Variants in LYST observed in about 807,000 individuals in gnomAD.
LYST encodes the protein lysosomal-trafficking regulator.
Under a neutral mutation model 413.6 loss-of-function variants are expected in LYST, and 192 were observed. The observed-to-expected ratio is 0.46, with a 90% confidence interval of 0.41 to 0.52. The LOEUF is 0.52. Ranked by LOEUF, LYST falls within the 20% of genes least tolerant of loss-of-function variation. The pLI is 0.00. For missense variants in LYST, 3,815 were observed against 4,499.9 expected, an observed-to-expected ratio of 0.85 and a Z score of 4.35; for synonymous variants, 1,525 against 1,567.3, an observed-to-expected ratio of 0.97 and a Z score of 0.64.
intron 29 of LYST, among the ~76,000 whole-genome samples, chr1:235,745,628 C>G (rs1049453828): frequency 6.6e-6 from 1 of 152,106 alleles, no homozygotes; most frequent in Non-Finnish European, 1.5e-5. Context: ...TAAATGCTTA[C>G]AGAAGCTTTA....
chr1:235,828,974 G>A (rs1372217153), intron 3 of LYST: 3 of 250,800 alleles, frequency 1.2e-5, no homozygotes, highest in African/African-American at 2.3e-5. Flanking sequence ...GGAGGCCAAC[G>A]GGGGTAGACT....
chr1:235,736,268 A>G (rs1664810359), intron 31 of LYST: 1 of 152,162 alleles, frequency 6.6e-6, no homozygotes. Flanking sequence ...ATCCTTAGAA[A>G]ATAATAAAGT....
Position 235,809,116 on chromosome 1 carries a change from T to C in LYST, c.1702A>G (p.Ser568Gly). 1 of 1,614,134 alleles carries C rather than the reference T, an allele frequency of 6.2e-7. No individual in the cohort carries two copies. Among genetic ancestry groups the C allele is most frequent in the Non-Finnish European group, 8.5e-7 (1 of 1,179,994 alleles). Residue 568 changes from serine to glycine, a missense_variant, in exon 5 of 53, where the codon AGC becomes GGC. Physicochemically the swap from Ser to Gly is moderately conservative, Grantham distance 56. Coordinates refer to ENST00000389793, the MANE Select transcript of LYST (RefSeq NM_000081.4). This position sits in a 1 kb window ranked among gnomAD's most constrained non-coding sequence, Gnocchi z 4.0. ...LRLLQQASLSSTCVQILSGVH... is the reference protein window; with the variant it reads ...LRLLQQASLSGTCVQILSGVH... ...CCCGATAGGATCTGGACACAAGTGC[T>C]GCTCAAGGAAGCCTGCTGTAGTAAG...
In LYST at chr1:235,755,770, T is replaced by TA. The variant is rs373395043; in HGVS notation, c.7060-124dup. On this transcript the variant is annotated intron_variant, in intron 24 of 52. Transcript: ENST00000389793. The stretch of plus-strand genomic sequence containing the variant: ...TATGTACAGAAGAACACAGAAAGCT[T>TA]AAAAAAATGCCACCACCACAGCAAA... The TA allele has an allele frequency of 9.2e-5, 55 of 595,512 alleles. No individual in the cohort carries two copies. The African/African-American group carries it at 9.6e-4, about 10-fold the overall frequency. 36.9% of individuals were successfully genotyped at this position (595,512 alleles called of 1,614,324 possible). A position where few individuals can be genotyped will look rare whatever the true frequency, so the allele number is the denominator to read the frequency against.
chr1:235,851,048 T>C (rs919416752), intron 1 of LYST, among the ~76,000 whole-genome samples: 3 of 152,008 alleles, frequency 2.0e-5, no homozygotes, highest in African/African-American at 4.8e-5. Flanking sequence ...GAAAAAGAAG[T>C]CATTATTTGA....
intron 36 of LYST, 128 bp from the exon 37 acceptor site, chr1:235,729,785 T>C: frequency 1.4e-6 from 1 of 697,980 alleles, no homozygotes; most frequent in Non-Finnish European, 2.6e-6. Flanking sequence ...GCATGAGGTA[T>C]CTTGTCGAAA....
At chr1:235,745,893 G>A (rs1572132453) in intron 29 of LYST, among the ~76,000 whole-genome samples, 2 of 152,264 alleles carry the variant, frequency 1.3e-5, no homozygotes, top group South Asian at 4.1e-4. Context: ...GGGGGTGAGA[G>A]GAAAGTGGGT....
upstream of LYST, among the ~76,000 whole-genome samples, chr1:235,868,693 T>TTTTTA (rs750848002): frequency 6.6e-6 from 1 of 152,052 alleles, no homozygotes; most frequent in African/African-American, 2.4e-5. Flanking sequence ...GTACCAGTGT[T>TTTTTA]TTTTATTTTA....
intron 1 of LYST, among the ~76,000 whole-genome samples, chr1:235,860,605 T>G (rs1173697148): frequency 5.3e-5 from 8 of 152,222 alleles, no homozygotes; most frequent in Non-Finnish European, 8.8e-5. Context: ...ACTTTTCAGT[T>G]TGCCTTTTTT....
At chr1:235,838,834 A>G (rs1173406774) in intron 1 of LYST, among the ~76,000 whole-genome samples, 6 of 152,174 alleles carry the variant, frequency 3.9e-5, no homozygotes, top group Non-Finnish European at 8.8e-5. Flanking sequence ...GTCTGTGTGT[A>G]GATCATTCTC....
At chr1:235,770,048 GAA>G in intron 20 of LYST, 110 bp downstream of exon 20, 4 of 840,802 alleles carry the variant, frequency 4.8e-6, no homozygotes, top group Non-Finnish European at 5.6e-6. Context: ...AGAGAAGATG[GAA>G]AAAAAAAAGA....
chr1:235,663,082 T>TA lies in LYST; in HGVS notation c.11268-5dup, dbSNP rs36014994. On this transcript the variant is annotated splice_region_variant and splice_polypyrimidine_tract_variant and intron_variant, in intron 52 of 52. Coordinates refer to ENST00000389793, the MANE Select transcript of LYST (RefSeq NM_000081.4). ...GCCATCACAAGAAAATGTAAGGCTG[T>TA]AAAAAAAAAAAAATTCCCATTTGTA... 0.015 allele frequency: 19,555 copies of TA among 1,312,674 alleles called. No individual in the cohort carries two copies. The highest frequency in any genetic ancestry group is 0.039 in the East Asian group (1,275 of 32,370). 81.3% of individuals were successfully genotyped at this position (1,312,674 alleles called of 1,614,324 possible).
chr1:235,738,257 T>C, intron 31 of LYST: 1 of 1,611,158 alleles, frequency 6.2e-7, no homozygotes, highest in Non-Finnish European at 8.5e-7. Flanking sequence ...ATACTGTAAC[T>C]GTAAACTCCA....
chr1:235,737,940 C>CG, intron 31 of LYST: 1 of 1,199,866 alleles, frequency 8.3e-7, no homozygotes, highest in Non-Finnish European at 1.0e-6. Context: ...TGCCGCGTGC[C>CG]CCAACACCCG....
intron 8 of LYST, 118 bp from the exon 9 acceptor site, chr1:235,801,215 C>A (rs1672180492): frequency 6.9e-6 from 5 of 722,118 alleles, no homozygotes; most frequent in South Asian, 3.1e-5. Context: ...GCTTACAAAA[C>A]CTTTTCCAAT....
At position 235,677,538 on chromosome 1, in the gene LYST, A is replaced by G. The variant is rs746224282; in HGVS notation, c.10882T>C (p.Tyr3628His). 7.4e-6 allele frequency: 12 copies of G among 1,613,176 alleles called. No homozygotes were observed. Among genetic ancestry groups the G allele is most frequent in the Non-Finnish European group, 1.0e-5 (12 of 1,179,250 alleles). ...EITSLFVCKPYSILISVSRDG... is the reference protein window; with the variant it reads ...EITSLFVCKPHSILISVSRDG... ...CTGCTCACACTTATCAGTATACTGT[A>G]TGGTTTGCAAACAAATAAGCTGGTT... Residue 3628 changes from tyrosine to histidine, a missense_variant, in exon 49 of 53, where the codon TAC (tyrosine) becomes CAC (histidine). Tyr to His is a moderately conservative substitution (Grantham distance 83). Around this residue, in one of 4 missense-constraint regions of LYST, gnomAD observed 866 missense variants for 1,156.0 expected, o/e 0.75. Coordinates refer to ENST00000389793, the MANE Select transcript of LYST (RefSeq NM_000081.4).
At chr1:235,876,738 G>C (rs960314949) in intron 1 of LYST, among the ~76,000 whole-genome samples, 4 of 152,192 alleles carry the variant, frequency 2.6e-5, no homozygotes, top group Non-Finnish European at 5.9e-5. Flanking sequence ...CATTTGCCCA[G>C]CTCACTACAT....
intron 1 of LYST, among the ~76,000 whole-genome samples, chr1:235,862,811 ACACACACACACAC>A (rs1680049690): frequency 1.3e-5 from 1 of 79,576 alleles, no homozygotes; most frequent in East Asian, 3.2e-4. Flanking sequence ...AAACAAACAC[ACACACACACACAC>A]ACACACACAC....
At chr1:235,851,190 A>C (rs56658705) in intron 1 of LYST, among the ~76,000 whole-genome samples, 1 of 133,570 alleles carries the variant, frequency 7.5e-6, no homozygotes, top group African/African-American at 4.0e-5. Context: ...ATGTGTGTGT[A>C]TATATATATA....
Sources: allele counts gnomAD v4.1 joint callset (sites outside exome capture counted in the v4.1 genomes callset), GRCh38; gene constraint gnomAD v4.1.1; regional missense constraint gnomAD v4.1.1; non-coding constraint Gnocchi (gnomAD v3.1); transcripts MANE v1.5; gene names NCBI Gene and HGNC (gene_info 2026-07-23, HGNC 2026-07-21).